Variants in UNC5D observed in about 807,000 individuals in gnomAD.
UNC5D encodes netrin receptor UNC5D.
UNC5D carries 39 observed loss-of-function variants against 105.4 expected under a neutral mutation model. That is an observed-to-expected ratio of 0.37 (90% CI 0.29 to 0.48). The LOEUF is 0.48. UNC5D is among the 20% of genes least tolerant of loss of function. The pLI is 0.98. For missense variants in UNC5D, 991 were observed against 1,202.4 expected (o/e 0.82, Z 2.60); for synonymous variants, 452 against 450.4 (o/e 1.00, Z -0.04).
rs1802413283 is a variant in UNC5D at position 35,235,773 on chromosome 8, G to C, written c.-12G>C. ...GTGAAGAAGAGCCGCCCTCCGGAAC[G>C]CGGCGAGGAGCATGGGGAGAGCGGC... is the stretch of plus-strand genomic sequence containing the variant. On this transcript the variant is annotated 5_prime_UTR_variant, in exon 1 of 17. Transcript: ENST00000404895. 8.1e-7 allele frequency: 1 copy of C among 1,229,602 alleles called. No individual in the cohort carries two copies. The highest frequency in any genetic ancestry group is 1.6e-5 in the African/African-American group (1 of 64,246). The allele number at this position is 1,229,602 out of a possible 1,614,324, so 76.2% of individuals were successfully genotyped here. A position where few individuals can be genotyped will look rare whatever the true frequency, so the allele number is the denominator to read the frequency against.
chr8:35,497,833 G>C (rs1444666000), intron 1 of UNC5D, among the ~76,000 whole-genome samples: 5 of 152,008 alleles, frequency 3.3e-5, no homozygotes, highest in Non-Finnish European at 5.9e-5. Context: ...TCTTTGGGAG[G>C]CTGAGGCAGG....
intron 4 of UNC5D, 73 bp downstream of exon 4, chr8:35,595,730 G>A: frequency 2.9e-6 from 4 of 1,371,186 alleles, no homozygotes; most frequent in Non-Finnish European, 4.1e-6. Flanking sequence ...GGAGTCCTGT[G>A]TGGCTGGAAG....
At chr8:35,551,461 G>A (rs772644986) in intron 2 of UNC5D, among the ~76,000 whole-genome samples, 4 of 152,140 alleles carry the variant, frequency 2.6e-5, no homozygotes, top group African/African-American at 7.2e-5. Context: ...TACTTGAAAA[G>A]GAAGTAGACC....
intron 1 of UNC5D, chr8:35,256,108 G>A (rs576913709): frequency 6.6e-6 from 1 of 152,138 alleles, no homozygotes; most frequent in African/African-American, 2.4e-5. Context: ...CACATACATG[G>A]TGTTAGTGTT....
intron 11 of UNC5D, among the ~76,000 whole-genome samples, chr8:35,732,406 A>G (rs1435138767): frequency 2.0e-5 from 3 of 152,218 alleles, no homozygotes; most frequent in Admixed American, 6.5e-5. Flanking sequence ...CTTTACTTGT[A>G]TATCTGAAAA....
chr8:35,668,812 T>C (rs1157742725), intron 4 of UNC5D, among the ~76,000 whole-genome samples: 1 of 152,160 alleles, frequency 6.6e-6, no homozygotes, highest in Non-Finnish European at 1.5e-5. Context: ...AAGGAGCTTC[T>C]TGTTGAAATG....
chr8:35,370,867 T>A (rs1295264490), intron 1 of UNC5D, among the ~76,000 whole-genome samples: 1 of 152,206 alleles, frequency 6.6e-6, no homozygotes, highest in Non-Finnish European at 1.5e-5. Context: ...ATAATTTATA[T>A]AGAATTACTT....
At chr8:35,559,051 G>A (rs1816748739) in intron 2 of UNC5D, among the ~76,000 whole-genome samples, 1 of 152,022 alleles carries the variant, frequency 6.6e-6, no homozygotes, top group African/African-American at 2.4e-5. Context: ...CCAGAGAACT[G>A]ACCAAGGCCC....
At chr8:35,490,492 C>G (rs1365079250) in intron 1 of UNC5D, among the ~76,000 whole-genome samples, 2 of 151,928 alleles carry the variant, frequency 1.3e-5, no homozygotes, top group Admixed American at 1.3e-4. Context: ...CCACTGCACT[C>G]CAGCCTGGGT....
intron 1 of UNC5D, among the ~76,000 whole-genome samples, chr8:35,527,313 T>C (rs1473464499): frequency 1.3e-5 from 2 of 152,330 alleles, no homozygotes; most frequent in South Asian, 4.1e-4. Flanking sequence ...TCCTGAAAGA[T>C]GGGCATCTGT....
intron 4 of UNC5D, among the ~76,000 whole-genome samples, chr8:35,596,085 T>A (rs528627999): frequency 6.6e-6 from 1 of 152,338 alleles, no homozygotes; most frequent in South Asian, 2.1e-4. Flanking sequence ...TTGTTCATCC[T>A]TCACTTTTTT....
intron 1 of UNC5D, among the ~76,000 whole-genome samples, chr8:35,382,937 A>G (rs891066200): frequency 6.6e-6 from 1 of 152,224 alleles, no homozygotes; most frequent in African/African-American, 2.4e-5. Flanking sequence ...CGCAAGTCCC[A>G]GGAATTCTGC....
At chr8:35,299,275 CT>C (rs1425260520) in intron 1 of UNC5D, among the ~76,000 whole-genome samples, 2 of 152,156 alleles carry the variant, frequency 1.3e-5, no homozygotes, top group Non-Finnish European at 2.9e-5. Context: ...ACGTTGGAAA[CT>C]GATCATAGAC....
At chr8:35,524,478 A>G (rs1813706802) in intron 1 of UNC5D, among the ~76,000 whole-genome samples, 1 of 151,640 alleles carries the variant, frequency 6.6e-6, no homozygotes, top group Non-Finnish European at 1.5e-5. Flanking sequence ...GGAGAGGGCA[A>G]TACATTTTTA....
In UNC5D at chr8:35,300,446, C is replaced by CAAAAAAAAAAAAAAAA. The variant is rs752599540; in HGVS notation, c.103+64592_103+64607dup. 1.0e-4 allele frequency among the ~76,000 whole-genome samples: 6 copies of CAAAAAAAAAAAAAAAA among 58,400 alleles called. 3 individuals are homozygous for CAAAAAAAAAAAAAAAA. The highest frequency in any genetic ancestry group is 1.3e-4 in the Non-Finnish European group (4 of 30,138). The allele number at this position is 58,400 out of a possible 152,430, so 38.3% of individuals were successfully genotyped here. On this transcript the variant is annotated intron_variant, in intron 1 of 16. Coordinates refer to ENST00000404895, the MANE Select transcript of UNC5D (RefSeq NM_080872.4). ...TGGGCAACAGAGAGAGACTCCCTCT[C>CAAAAAAAAAAAAAAAA]AAAAAAAAAAAAAAAAAAAAAAAAA...
At chr8:35,431,515 CA>C (rs1309408595) in intron 1 of UNC5D, among the ~76,000 whole-genome samples, 1 of 151,964 alleles carries the variant, frequency 6.6e-6, no homozygotes, top group Non-Finnish European at 1.5e-5. Flanking sequence ...TCTAGGACTT[CA>C]AAAAACCAAT....
chr8:35,251,971 A>C (rs2128812471), intron 1 of UNC5D, among the ~76,000 whole-genome samples: 1 of 152,024 alleles, frequency 6.6e-6, no homozygotes. Context: ...ATTACATCTA[A>C]AGCAAGCTTT....
rs151032340 is a variant in UNC5D at position 35,502,942 on chromosome 8, A to G, written c.104-46350A>G. ...ATTTTTCTTAATAGGCAAGGAAACTATGCTCAAGCTCCTTGCTACTCAAAG... is the reference window on the plus strand; with the variant it reads ...ATTTTTCTTAATAGGCAAGGAAACTGTGCTCAAGCTCCTTGCTACTCAAAG... On this transcript the variant is annotated intron_variant, in intron 1 of 16. Transcript: ENST00000404895. Among the ~76,000 whole-genome samples, 777 of 152,300 alleles carry G rather than the reference A, an allele frequency of 5.1e-3. 7 individuals are homozygous for G. Among genetic ancestry groups the G allele is most frequent in the African/African-American group, 0.017 (695 of 41,556 alleles).
chr8:35,796,423 A>C lies in UNC5D; in HGVS notation c.*5860A>C, dbSNP rs1012713192. On this transcript the variant is annotated 3_prime_UTR_variant, in exon 17 of 17. Transcript: ENST00000404895. ...TGGACGGTTTGGATGTTTTATGTCG[A>C]GTTTGCAAAAAAAAAAAAAAAAAAA... 1 of 116,354 alleles carries C rather than the reference A, an allele frequency of 8.6e-6. No homozygotes were observed. Among genetic ancestry groups the C allele is most frequent in the Admixed American group, 9.5e-5 (1 of 10,576 alleles). The allele number at this position is 116,354 out of a possible 1,614,324, so 7.2% of individuals were successfully genotyped here. A position where few individuals can be genotyped will look rare whatever the true frequency, so the allele number is the denominator to read the frequency against.
Sources: allele counts gnomAD v4.1 joint callset (sites outside exome capture counted in the v4.1 genomes callset), GRCh38; gene constraint gnomAD v4.1.1; transcripts MANE v1.5; gene names NCBI Gene and HGNC (gene_info 2026-07-23, HGNC 2026-07-21).